The following ADIPOR2 variants were observed in gnomAD, a reference collection of about 807,000 sequenced individuals.
The protein encoded by ADIPOR2 is adiponectin receptor 2.
Under a neutral mutation model 40.9 loss-of-function variants are expected in ADIPOR2, and 18 were observed. The ratio of observed to expected loss-of-function variants is 0.44; its 90% CI spans 0.30 to 0.65. The LOEUF (loss-of-function observed/expected upper bound fraction) is 0.65, where lower values mean the gene tolerates loss of function less well. Among genes scored for constraint, ADIPOR2 ranks in the 30% least tolerant of loss-of-function variants. ADIPOR2 has a pLI of 0.09. For synonymous variants in ADIPOR2, 165 were observed against 166.4 expected, an observed-to-expected ratio of 0.99 and a Z score of 0.06; for missense variants, 283 against 479.2, an observed-to-expected ratio of 0.59 and a Z score of 3.82.
At chr12:1,721,271 A>G (rs1314674956) in intron 1 of ADIPOR2, among the ~76,000 whole-genome samples, 2 of 114,010 alleles carry the variant, frequency 1.8e-5, no homozygotes, top group Non-Finnish European at 3.2e-5. Flanking sequence ...GCTGGAGTGC[A>G]GTGGCACGAT....
intron 1 of ADIPOR2, among the ~76,000 whole-genome samples, chr12:1,746,018 C>T (rs914512025): frequency 1.3e-5 from 2 of 152,022 alleles, no homozygotes; most frequent in South Asian, 4.2e-4. Context: ...TGCTTGTTTT[C>T]ACTTACCCAG....
At chr12:1,771,830 TC>T (rs1187326155) in intron 2 of ADIPOR2, among the ~76,000 whole-genome samples, 1 of 152,252 alleles carries the variant, frequency 6.6e-6, no homozygotes, top group Non-Finnish European at 1.5e-5. Context: ...GTACTGTTTA[TC>T]TAAACAGACT....
intron 1 of ADIPOR2, among the ~76,000 whole-genome samples, chr12:1,703,657 C>T (rs1468586428): frequency 6.6e-6 from 1 of 151,874 alleles, no homozygotes. Flanking sequence ...GTCAAGGCTG[C>T]AGTGAGCTGT....
intron 1 of ADIPOR2, among the ~76,000 whole-genome samples, chr12:1,711,921 A>G (rs1016545615): frequency 2.0e-5 from 3 of 152,152 alleles, no homozygotes; most frequent in Non-Finnish European, 4.4e-5. Context: ...ATATTGCATC[A>G]TGGGCACGAA....
chr12:1,737,988 C>T (rs2094734590), intron 1 of ADIPOR2, among the ~76,000 whole-genome samples: 1 of 152,046 alleles, frequency 6.6e-6, no homozygotes, highest in Admixed American at 6.5e-5. Flanking sequence ...CTTCTACATA[C>T]TAAGGCAGGG....
intron 1 of ADIPOR2, among the ~76,000 whole-genome samples, chr12:1,716,365 T>C (rs758259511): frequency 7.9e-5 from 12 of 152,192 alleles, no homozygotes; most frequent in Non-Finnish European, 1.3e-4. Flanking sequence ...TTTGTAGTTA[T>C]TAATATGACC....
Position 1,786,498 on chromosome 12 carries a change from G to A in ADIPOR2, c.*426G>A, listed in dbSNP as rs1862839748. ...AGTGAACATTTATATCCGATAAGGG[G>A]TGGGAGTGTGATTTTAAATGCTCTT... On this transcript the variant is annotated 3_prime_UTR_variant, in exon 8 of 8. Coordinates refer to ENST00000357103, the MANE Select transcript of ADIPOR2 (RefSeq NM_024551.3). 2 of 157,092 alleles carry A rather than the reference G, an allele frequency of 1.3e-5. No homozygotes were observed. Among genetic ancestry groups the A allele is most frequent in the Non-Finnish European group, 2.8e-5 (2 of 71,174 alleles). The allele number at this position is 157,092 out of a possible 1,614,324, so 9.7% of individuals were successfully genotyped here.
intron 1 of ADIPOR2, among the ~76,000 whole-genome samples, chr12:1,708,287 C>T (rs1303244885): frequency 6.6e-6 from 1 of 151,562 alleles, no homozygotes; most frequent in East Asian, 1.9e-4. Context: ...AACCAGTCCA[C>T]CAGGGATACC....
At chr12:1,741,307 A>G (rs2094742407) in intron 1 of ADIPOR2, among the ~76,000 whole-genome samples, 1 of 152,184 alleles carries the variant, frequency 6.6e-6, no homozygotes, top group Admixed American at 6.5e-5. Context: ...TTATCAAAGT[A>G]TTGTAGGTCA....
At chr12:1,692,333 C>T (rs1488798870) in intron 1 of ADIPOR2, among the ~76,000 whole-genome samples, 1 of 152,180 alleles carries the variant, frequency 6.6e-6, no homozygotes, top group African/African-American at 2.4e-5. Flanking sequence ...TTAAACGACT[C>T]TTAGGTAATT....
intron 1 of ADIPOR2, among the ~76,000 whole-genome samples, chr12:1,753,203 A>C (rs530951116): frequency 1.3e-5 from 2 of 152,190 alleles, no homozygotes. Flanking sequence ...CATGGAATTT[A>C]TTAGCTAGCA....
intron 7 of ADIPOR2, 104 bp from the exon 8 acceptor site, chr12:1,785,840 C>T (rs1862818715): frequency 7.0e-7 from 1 of 1,419,080 alleles, no homozygotes; most frequent in Non-Finnish European, 9.6e-7. Flanking sequence ...CCATTCCCTG[C>T]CTTCTGCTCA....
At chr12:1,719,002 T>G (rs758820390) in intron 1 of ADIPOR2, among the ~76,000 whole-genome samples, 1 of 152,250 alleles carries the variant, frequency 6.6e-6, no homozygotes, top group Non-Finnish European at 1.5e-5. Context: ...CTTTGTGTTA[T>G]GGCAGTTAAG....
chr12:1,739,963 G>A (rs1040380594), intron 1 of ADIPOR2, among the ~76,000 whole-genome samples: 2 of 147,358 alleles, frequency 1.4e-5, no homozygotes, highest in South Asian at 2.2e-4. Flanking sequence ...TTAACCGGGC[G>A]TGGTGGCACA....
chr12:1,740,678 T>C (rs1231724354), intron 1 of ADIPOR2, among the ~76,000 whole-genome samples: 2 of 152,188 alleles, frequency 1.3e-5, no homozygotes, highest in African/African-American at 4.8e-5. Flanking sequence ...ATTAAGCAGA[T>C]CTTGAGGGTG....
chr12:1,750,726 A>G (rs868205933), intron 1 of ADIPOR2, among the ~76,000 whole-genome samples: 24 of 152,150 alleles, frequency 1.6e-4, no homozygotes, highest in African/African-American at 5.1e-4. Context: ...TTCTTATTTC[A>G]TAATGACCAA....
At chr12:1,746,139 A>T (rs917106781) in intron 1 of ADIPOR2, among the ~76,000 whole-genome samples, 1 of 152,222 alleles carries the variant, frequency 6.6e-6, no homozygotes, top group African/African-American at 2.4e-5. Flanking sequence ...GGACTGAAAG[A>T]GTTATCACAT....
At chr12:1,702,309 A>G (rs1592571318) in intron 1 of ADIPOR2, among the ~76,000 whole-genome samples, 1 of 152,182 alleles carries the variant, frequency 6.6e-6, no homozygotes, top group Non-Finnish European at 1.5e-5. Flanking sequence ...TCTATGGTGA[A>G]TTACCCAGAA....
chr12:1,733,939 C>T, intron 1 of ADIPOR2, among the ~76,000 whole-genome samples: 1 of 152,162 alleles, frequency 6.6e-6, no homozygotes, highest in Admixed American at 6.5e-5. Context: ...GACATGAACA[C>T]ATCCTTTTTT....
Sources: allele counts gnomAD v4.1 joint callset (sites outside exome capture counted in the v4.1 genomes callset), GRCh38; gene constraint gnomAD v4.1.1; transcripts MANE v1.5; gene names NCBI Gene and HGNC (gene_info 2026-07-23, HGNC 2026-07-21).